CEP120: variants seen among roughly 807,000 people sequenced by gnomAD.
CEP120 encodes centrosomal protein of 120 kDa.
CEP120 carries 113 observed loss-of-function variants against 126.5 expected under a neutral mutation model. That is an observed-to-expected ratio of 0.89 (90% CI 0.77 to 1.04). The LOEUF (loss-of-function observed/expected upper bound fraction) is 1.04, where lower values mean the gene tolerates loss of function less well. Ranked by LOEUF, CEP120 falls within the 50% of genes least tolerant of loss-of-function variation. The pLI, the probability that CEP120 is intolerant of heterozygous loss-of-function variation, is 0.00. For missense variants in CEP120, 1,230 were observed against 1,155.7 expected (o/e 1.06, Z -0.93); for synonymous variants, 400 against 394.3 (o/e 1.01, Z -0.17).
At position 123,423,205 on chromosome 5, in the gene CEP120, G is replaced by A; in HGVS notation, c.-207C>T. 3.5e-6 allele frequency: 2 copies of A among 578,886 alleles called. No homozygotes were observed. Among genetic ancestry groups the A allele is most frequent in the Non-Finnish European group, 6.2e-6 (2 of 324,010 alleles). 35.9% of individuals were successfully genotyped at this position (578,886 alleles called of 1,614,324 possible). On this transcript the variant is annotated 5_prime_UTR_variant, in exon 1 of 20. Transcript: ENST00000306467. ...CGGGCCGCCAGCCCAGATCCTAACTGTGCCCCGACTCAAGGAAAAAGCCAC... is the reference window on the plus strand; with the variant it reads ...CGGGCCGCCAGCCCAGATCCTAACTATGCCCCGACTCAAGGAAAAAGCCAC...
chr5:123,402,273 G>C (rs1206311660), intron 4 of CEP120: 1 of 1,482,330 alleles, frequency 6.7e-7, no homozygotes. Flanking sequence ...ACTTGTGTAG[G>C]AGTGGCTGCT....
At chr5:123,399,323 T>A (rs756380419) in intron 4 of CEP120, 39 bp from the exon 5 acceptor site, 1 of 1,595,718 alleles carries the variant, frequency 6.3e-7, no homozygotes, top group South Asian at 1.1e-5. Flanking sequence ...CATTGTAGTT[T>A]GTCATAAACC....
chr5:123,417,406 G>C (rs1774456922), intron 2 of CEP120, among the ~76,000 whole-genome samples: 1 of 152,046 alleles, frequency 6.6e-6, no homozygotes, highest in Non-Finnish European at 1.5e-5. Flanking sequence ...AAATAAATAA[G>C]AGTATTGCTT....
At chr5:123,402,266 T>C in intron 4 of CEP120, 1 of 1,481,434 alleles carries the variant, frequency 6.8e-7, no homozygotes, top group Non-Finnish European at 9.2e-7. Context: ...CGGGCCCACT[T>C]GTGTAGGAGT....
intron 4 of CEP120, chr5:123,403,085 G>A (rs1773375794): frequency 3.4e-6 from 1 of 294,194 alleles, no homozygotes; most frequent in Admixed American, 4.9e-5. Context: ...CACAAAACAG[G>A]TAAGACCATA....
intron 18 of CEP120, among the ~76,000 whole-genome samples, chr5:123,358,911 T>TG (rs1217848929): frequency 6.6e-6 from 1 of 152,024 alleles, no homozygotes; most frequent in Non-Finnish European, 1.5e-5. Flanking sequence ...TGTAAGTCTG[T>TG]GGGAAAAAAC....
At chr5:123,375,983 C>T (rs1771188170) in intron 16 of CEP120, among the ~76,000 whole-genome samples, 1 of 149,382 alleles carries the variant, frequency 6.7e-6, no homozygotes, top group Admixed American at 6.7e-5. Flanking sequence ...TAATTTTTAA[C>T]AGCTTGATTC....
chr5:123,387,785 G>A (rs1482309324), intron 9 of CEP120, among the ~76,000 whole-genome samples: 3 of 151,432 alleles, frequency 2.0e-5, no homozygotes, highest in Admixed American at 6.6e-5. Context: ...TTTATATCTC[G>A]GGCACAAAAG....
intron 4 of CEP120, 70 bp from the exon 5 acceptor site, chr5:123,399,354 GATT>G (rs567087861): frequency 1.4e-6 from 2 of 1,421,584 alleles, no homozygotes; most frequent in Non-Finnish European, 1.9e-6. Flanking sequence ...TTTTAAAACT[GATT>G]ATATTTTGTA....
At chr5:123,369,991 T>A (rs1004426623) in intron 17 of CEP120, among the ~76,000 whole-genome samples, 9 of 151,986 alleles carry the variant, frequency 5.9e-5, no homozygotes, top group Admixed American at 5.3e-4. Flanking sequence ...GATGACAACA[T>A]GCCCTCCATT....
chr5:123,400,577 T>C (rs1279332716), intron 4 of CEP120, among the ~76,000 whole-genome samples: 2 of 150,976 alleles, frequency 1.3e-5, no homozygotes, highest in Non-Finnish European at 2.9e-5. Context: ...TCTATATACA[T>C]ATATATAGAG....
intron 4 of CEP120, 119 bp from the exon 5 acceptor site, chr5:123,399,403 C>T: frequency 1.1e-6 from 1 of 884,702 alleles, no homozygotes; most frequent in South Asian, 1.8e-5. Context: ...CAGTTAATAT[C>T]TAATAAGGTT....
chr5:123,380,131 A>G (rs970803711), intron 14 of CEP120, among the ~76,000 whole-genome samples: 44 of 152,170 alleles, frequency 2.9e-4, no homozygotes, highest in African/African-American at 1.1e-3. Flanking sequence ...AAAGGCTCAC[A>G]TATAATTGAC....
rs1011156856 is a variant in CEP120 at position 123,382,093 on chromosome 5, T to G, written c.2103+18A>C. 2 of 1,515,102 alleles carry G rather than the reference T, an allele frequency of 1.3e-6. No individual in the cohort carries two copies. The highest frequency in any genetic ancestry group is 1.8e-6 in the Non-Finnish European group (2 of 1,100,662). 93.9% of individuals were successfully genotyped at this position (1,515,102 alleles called of 1,614,324 possible). On this transcript the variant is annotated intron_variant, in intron 14 of 19. Coordinates refer to ENST00000306467, the MANE Select transcript of CEP120 (RefSeq NM_001375405.1). Reference sequence around the variant, plus strand: ...TAATATTCTTCCTTCTCTTCCTCACTTTTACACAAGTTATTACCTTTTTCT... The same window carrying G: ...TAATATTCTTCCTTCTCTTCCTCACGTTTACACAAGTTATTACCTTTTTCT...
intron 18 of CEP120, chr5:123,358,115 ACT>A (rs1769778982): frequency 6.6e-6 from 1 of 152,106 alleles, no homozygotes; most frequent in African/African-American, 2.4e-5. Flanking sequence ...ATAGAGAATG[ACT>A]CTATGTATAT....
chr5:123,381,915 T>A (rs1771675160), intron 14 of CEP120, among the ~76,000 whole-genome samples, 196 bp downstream of exon 14: 1 of 152,006 alleles, frequency 6.6e-6, no homozygotes, highest in African/African-American at 2.4e-5. Flanking sequence ...GGTAATACAT[T>A]TGCATATTCC....
At chr5:123,372,831 G>A in intron 16 of CEP120, 59 bp from the exon 17 acceptor site, 1 of 1,384,082 alleles carries the variant, frequency 7.2e-7, no homozygotes, top group Non-Finnish European at 9.9e-7. Flanking sequence ...TAACAATAAA[G>A]TATTCAATTC....
intron 17 of CEP120, among the ~76,000 whole-genome samples, chr5:123,370,593 T>A (rs1770782639): frequency 6.6e-6 from 1 of 151,566 alleles, no homozygotes; most frequent in African/African-American, 2.4e-5. Flanking sequence ...TCCTCCCACC[T>A]CAGCCTCCTG....
chr5:123,422,415 G>C, intron 1 of CEP120: 1 of 1,125,880 alleles, frequency 8.9e-7, no homozygotes. Flanking sequence ...CCAGCACAGT[G>C]TCTGACACTC....
Sources: allele counts gnomAD v4.1 joint callset (sites outside exome capture counted in the v4.1 genomes callset), GRCh38; gene constraint gnomAD v4.1.1; transcripts MANE v1.5; gene names NCBI Gene and HGNC (gene_info 2026-07-23, HGNC 2026-07-21).